The following FOXP1 variants were observed in gnomAD, a reference collection of about 807,000 sequenced individuals.
FOXP1 encodes the protein forkhead box protein P1.
A neutral mutation model predicts 98.2 loss-of-function variants in FOXP1; 15 were observed. The ratio of observed to expected loss-of-function variants is 0.15; its 90% CI spans 0.10 to 0.24. FOXP1 has a LOEUF of 0.24. FOXP1 is among the 10% of genes least tolerant of loss of function. The pLI, the probability that FOXP1 is intolerant of heterozygous loss-of-function variation, is 1.00. For synonymous variants in FOXP1, 371 were observed against 314.5 expected, an observed-to-expected ratio of 1.18 and a Z score of -1.90; for missense variants, 633 against 848.5, an observed-to-expected ratio of 0.75 and a Z score of 3.15.
rs560385753 is a variant in FOXP1, at chr3:71,467,234, T to C, written c.-168+26192A>G. Among the ~76,000 whole-genome samples the C allele has an allele frequency of 9.2e-5, 14 of 152,322 alleles. No homozygotes were observed. The East Asian group carries it at 2.5e-3, about 27-fold the overall frequency. On this transcript the variant is annotated intron_variant, in intron 3 of 20. Transcript: ENST00000649528. ...ATATATATACACATACATATATACA[T>C]ACACACACATATATACCTATATACC... is the stretch of plus-strand genomic sequence containing the variant.
intron 5 of FOXP1, among the ~76,000 whole-genome samples, chr3:71,226,376 T>C (rs1012369289): frequency 1.3e-5 from 2 of 152,156 alleles, no homozygotes; most frequent in African/African-American, 2.4e-5. Context: ...CATCAGAGCA[T>C]TGCCTTTTCA....
At chr3:71,088,710 A>T (rs1254410335) in intron 7 of FOXP1, among the ~76,000 whole-genome samples, 1 of 152,164 alleles carries the variant, frequency 6.6e-6, no homozygotes, top group Non-Finnish European at 1.5e-5. Flanking sequence ...TAAATATTAA[A>T]CTACTTATTT....
chr3:71,077,161 G>A (rs1249180410), intron 7 of FOXP1, among the ~76,000 whole-genome samples: 2 of 152,188 alleles, frequency 1.3e-5, no homozygotes, highest in Admixed American at 6.5e-5. Flanking sequence ...CCAAGGACTT[G>A]TATGCTAATC....
intron 5 of FOXP1, among the ~76,000 whole-genome samples, chr3:71,289,184 G>A (rs1274433323): frequency 6.6e-6 from 1 of 152,006 alleles, no homozygotes; most frequent in Non-Finnish European, 1.5e-5. Flanking sequence ...GAGATTACAG[G>A]AATGAGCCAC....
At chr3:71,056,864 A>G (rs1473192791) in intron 7 of FOXP1, among the ~76,000 whole-genome samples, 1 of 152,204 alleles carries the variant, frequency 6.6e-6, no homozygotes, top group Non-Finnish European at 1.5e-5. Context: ...TTAAATAGTT[A>G]AGAATTATAG....
intron 2 of FOXP1, among the ~76,000 whole-genome samples, chr3:71,554,369 A>T (rs996803634): frequency 1.9e-4 from 29 of 152,284 alleles, no homozygotes; most frequent in African/African-American, 6.3e-4. Context: ...AAATTTTTTT[A>T]AAAATTAAAA....
At chr3:71,091,540 G>A (rs1174162714) in intron 7 of FOXP1, among the ~76,000 whole-genome samples, 2 of 151,712 alleles carry the variant, frequency 1.3e-5, no homozygotes, top group African/African-American at 4.8e-5. Context: ...AAAAAAAACT[G>A]AGCTTTACTT....
chr3:71,520,740 G>C (rs1372689626), intron 2 of FOXP1, among the ~76,000 whole-genome samples: 2 of 152,056 alleles, frequency 1.3e-5, no homozygotes, highest in African/African-American at 4.8e-5. Context: ...TAGCCTCTAG[G>C]AGCCAAAACA....
chr3:71,381,437 CTTTTTTTTTTTT>C (rs1171799165), intron 3 of FOXP1, among the ~76,000 whole-genome samples: 1 of 77,694 alleles, frequency 1.3e-5, no homozygotes, highest in Non-Finnish European at 2.4e-5. Context: ...TGCGCCTGGC[CTTTTTTTTTTTT>C]TTTTTTTTTT....
chr3:70,977,884 G>A lies in FOXP1; in HGVS notation c.1292C>T (p.Thr431Met), dbSNP rs1440023751. The change falls in exon 15 of 21, where the codon ACG (threonine) becomes ATG (methionine). Residue 431 changes from threonine (T) to methionine (M), a missense_variant. Thr to Met is a moderately conservative substitution (Grantham distance 81). Coordinates refer to ENST00000649528, the MANE Select transcript of FOXP1 (RefSeq NM_001349338.3). ...GTACCGCCTGCGGATGGGTCCCACC[G>A]TGTGCATGCTGGTGGTTGTGATGAC... The part of the protein sequence containing the change: ...PSVITTTSMH[T>M]VGPIRRRYSD... 4 of 1,614,058 alleles carry A rather than the reference G, an allele frequency of 2.5e-6. No individual in the cohort carries two copies. The highest frequency in any genetic ancestry group is 1.3e-5 in the African/African-American group (1 of 74,918).
intron 12 of FOXP1, among the ~76,000 whole-genome samples, chr3:71,003,695 A>T (rs1275069248): frequency 6.6e-6 from 1 of 152,218 alleles, no homozygotes; most frequent in Non-Finnish European, 1.5e-5. Context: ...TCACGACTGA[A>T]GGAAATATGA....
chr3:71,214,949 T>C (rs1226566017), intron 5 of FOXP1, among the ~76,000 whole-genome samples: 2 of 152,190 alleles, frequency 1.3e-5, no homozygotes, highest in African/African-American at 4.8e-5. Context: ...TGCAACTGTG[T>C]TGCAGGCTAT....
At chr3:71,363,519 T>A (rs57796054) in intron 3 of FOXP1, among the ~76,000 whole-genome samples, 2,676 of 152,300 alleles carry the variant, frequency 0.018, 77 homozygotes, top group African/African-American at 0.061. Flanking sequence ...GCTAATTTTT[T>A]AAATATATTT....
chr3:71,064,691 A>T (rs1025109057), intron 7 of FOXP1: 1 of 566,170 alleles, frequency 1.8e-6, no homozygotes, highest in Non-Finnish European at 2.2e-6. Context: ...GAGGATGAGG[A>T]TGATTTTTTA....
At chr3:71,207,247 C>A (rs11442783) in intron 5 of FOXP1, among the ~76,000 whole-genome samples, 1 of 148,968 alleles carries the variant, frequency 6.7e-6, no homozygotes, top group Non-Finnish European at 1.5e-5. Flanking sequence ...TCAGAAAAGT[C>A]TTTTTTTTTT....
At chr3:71,197,950 G>C (rs757045108) in intron 6 of FOXP1, 1 of 1,614,128 alleles carries the variant, frequency 6.2e-7, no homozygotes, top group Non-Finnish European at 8.5e-7. Flanking sequence ...ACTCATCTTC[G>C]TCTCAGCAAC....
intron 5 of FOXP1, among the ~76,000 whole-genome samples, chr3:71,205,621 A>C (rs1207555279): frequency 2.6e-5 from 4 of 152,202 alleles, no homozygotes; most frequent in African/African-American, 9.6e-5. Context: ...AACCCATGGA[A>C]GTGAGGAGTC....
intron 8 of FOXP1, 150 bp from the exon 9 acceptor site, chr3:71,052,776 C>T (rs542338056): frequency 1.2e-5 from 8 of 687,360 alleles, no homozygotes; most frequent in East Asian, 2.7e-5. Flanking sequence ...ATAAATTCAG[C>T]GCACACTGAC....
chr3:71,114,040 G>T (rs998073002), intron 6 of FOXP1, among the ~76,000 whole-genome samples: 2 of 152,170 alleles, frequency 1.3e-5, no homozygotes, highest in South Asian at 4.1e-4. Context: ...GACACAAAAT[G>T]AGACTTCTTA....
Sources: allele counts gnomAD v4.1 joint callset (sites outside exome capture counted in the v4.1 genomes callset), GRCh38; gene constraint gnomAD v4.1.1; transcripts MANE v1.5; gene names NCBI Gene and HGNC (gene_info 2026-07-23, HGNC 2026-07-21).